EDN1: variants seen among roughly 807,000 people sequenced by gnomAD.
EDN1 encodes endothelin 1, also known as endothelin-1.
Under a neutral mutation model 21.7 loss-of-function variants are expected in EDN1, and 11 were observed. The ratio of observed to expected loss-of-function variants is 0.51; its 90% CI spans 0.32 to 0.84. The LOEUF (loss-of-function observed/expected upper bound fraction) is 0.84, where lower values mean the gene tolerates loss of function less well. Ranked by LOEUF, EDN1 falls within the 40% of genes least tolerant of loss-of-function variation. The probability of loss-of-function intolerance (pLI) is 0.03; values close to 1 mark genes in which losing one functional copy is unlikely to be tolerated. For missense variants in EDN1, 244 were observed against 262.3 expected, an observed-to-expected ratio of 0.93 and a Z score of 0.48; for synonymous variants, 85 against 90.6, an observed-to-expected ratio of 0.94 and a Z score of 0.35.
the EDN1 span, among the ~76,000 whole-genome samples, chr6:12,284,713 AAG>A: frequency 7.0e-6 from 1 of 142,606 alleles, no homozygotes; most frequent in Non-Finnish European, 1.5e-5. Context: ...GGAAGAAAGA[AAG>A]AAGGAAAGGA....
chr6:12,295,934 T>C lies in EDN1; in HGVS notation c.534-28T>C, dbSNP rs758534560. 5.0e-6 allele frequency: 8 copies of C among 1,606,334 alleles called. No individual in the cohort carries two copies. The East Asian group carries it at 1.3e-4, about 27-fold the overall frequency. On this transcript the variant is annotated intron_variant, in intron 4 of 4. Transcript: ENST00000379375. ...AAAGGGTGATTTTTTTAAAATAACA[T>C]TTGTTTTCTCTTATCTTGCTTTATT...
upstream of EDN1, among the ~76,000 whole-genome samples, chr6:12,289,135 A>AG (rs55680456): frequency 4.3e-3 from 661 of 152,248 alleles, 3 homozygotes; most frequent in Non-Finnish European, 5.3e-3. Flanking sequence ...TGTGTACTTC[A>AG]GGGGGGGATT....
chr6:12,271,693 G>T, the EDN1 span, among the ~76,000 whole-genome samples: 14 of 152,188 alleles, frequency 9.2e-5, no homozygotes, highest in Non-Finnish European at 1.9e-4. Flanking sequence ...TTTTATGATA[G>T]TAATTATTGT....
chr6:12,234,100 G>T, the EDN1 span, among the ~76,000 whole-genome samples: 1 of 152,218 alleles, frequency 6.6e-6, no homozygotes, highest in Admixed American at 6.5e-5. Context: ...GTTGGCTCTT[G>T]TTAACAATGT....
At chr6:12,245,538 C>T in the EDN1 span, among the ~76,000 whole-genome samples, 1 of 152,004 alleles carries the variant, frequency 6.6e-6, no homozygotes, top group Non-Finnish European at 1.5e-5. Context: ...TTCCAGCTTC[C>T]ACTTCTGCTG....
the EDN1 span, among the ~76,000 whole-genome samples, chr6:12,235,944 A>G: frequency 6.6e-6 from 1 of 152,252 alleles, no homozygotes; most frequent in African/African-American, 2.4e-5. Flanking sequence ...CACAAAGCGT[A>G]CATCATAACA....
At chr6:12,282,193 G>C in the EDN1 span, among the ~76,000 whole-genome samples, 7 of 152,206 alleles carry the variant, frequency 4.6e-5, no homozygotes, top group Admixed American at 2.0e-4. Context: ...AAGGGGAGGA[G>C]TATGGGAGAG....
the EDN1 span, among the ~76,000 whole-genome samples, chr6:12,244,341 A>G: frequency 1.3e-5 from 2 of 152,232 alleles, no homozygotes; most frequent in East Asian, 1.9e-4. Context: ...TGTTGGCTAT[A>G]CAATATTTTG....
rs1305390018 is a variant in EDN1 at position 12,296,243 on chromosome 6, C to A, written c.*176C>A. On this transcript the variant is annotated 3_prime_UTR_variant, in exon 5 of 5. Transcript: ENST00000379375. ...AGAAAGGTTAAGGAGTTCCCCCAACCATCTTCACTGGCTTCCATCAGTGGT... is the reference window on the plus strand; with the variant it reads ...AGAAAGGTTAAGGAGTTCCCCCAACAATCTTCACTGGCTTCCATCAGTGGT... 4 of 622,798 alleles carry A rather than the reference C, an allele frequency of 6.4e-6. No individual in the cohort carries two copies. Among genetic ancestry groups the A allele is most frequent in the South Asian group, 5.0e-5 (3 of 60,036 alleles). The allele number at this position is 622,798 out of a possible 1,614,324, so 38.6% of individuals were successfully genotyped here. A position where few individuals can be genotyped will look rare whatever the true frequency, so the allele number is the denominator to read the frequency against.
chr6:12,241,722 C>T, the EDN1 span, among the ~76,000 whole-genome samples: 1 of 152,154 alleles, frequency 6.6e-6, no homozygotes, highest in South Asian at 2.1e-4. Flanking sequence ...TACTCATGTT[C>T]ATAGAAGATG....
the EDN1 span, among the ~76,000 whole-genome samples, chr6:12,258,448 T>TAAAAAAAAAAAA: frequency 3.2e-4 from 9 of 27,712 alleles, 2 homozygotes; most frequent in East Asian, 9.2e-4. Context: ...AGATCATGTC[T>TAAAAAAAAAAAA]CAAAAAAAAA....
chr6:12,247,735 C>T, the EDN1 span, among the ~76,000 whole-genome samples: 1 of 151,864 alleles, frequency 6.6e-6, no homozygotes. Flanking sequence ...GATGGGATTT[C>T]ACCATGTTGG....
At chr6:12,270,082 C>A in the EDN1 span, among the ~76,000 whole-genome samples, 1 of 151,958 alleles carries the variant, frequency 6.6e-6, no homozygotes, top group East Asian at 1.9e-4. Context: ...TTTAGCTTTT[C>A]ATAAAAGTCA....
the EDN1 span, among the ~76,000 whole-genome samples, chr6:12,283,968 C>A: frequency 6.6e-5 from 10 of 152,326 alleles, no homozygotes; most frequent in African/African-American, 2.4e-4. Context: ...GTCTTCATAG[C>A]AGCCTTGTAG....
Position 12,295,957 on chromosome 6 carries a change from A to G in EDN1, c.534-5A>G, listed in dbSNP as rs746356256. The stretch of plus-strand genomic sequence containing the variant: ...CATTTGTTTTCTCTTATCTTGCTTT[A>G]TTAGGTCGGAGACCATGAGAAACAG... On this transcript the variant is annotated splice_polypyrimidine_tract_variant and splice_region_variant and intron_variant, in intron 4 of 4. Coordinates refer to ENST00000379375, the MANE Select transcript of EDN1 (RefSeq NM_001955.5). The G allele has an allele frequency of 3.1e-6, 5 of 1,613,458 alleles. No homozygotes were observed. In the Admixed American group the frequency reaches 8.3e-5, roughly 27 times the overall value.
chr6:12,295,812 T>C (rs1284580821), intron 4 of EDN1, 150 bp from the exon 5 acceptor site: 7 of 706,098 alleles, frequency 9.9e-6, no homozygotes, highest in Non-Finnish European at 1.7e-5. Flanking sequence ...AGATATCACT[T>C]GAGGTTTTAT....
chr6:12,275,863 G>T, the EDN1 span, among the ~76,000 whole-genome samples: 13 of 151,826 alleles, frequency 8.6e-5, no homozygotes, highest in East Asian at 2.5e-3. Context: ...TTGTACATAA[G>T]TTAAAAAATA....
chr6:12,231,305 A>G, the EDN1 span, among the ~76,000 whole-genome samples: 1 of 152,190 alleles, frequency 6.6e-6, no homozygotes, highest in African/African-American at 2.4e-5. Flanking sequence ...TTCCACCAAC[A>G]CTGCAATTCA....
the EDN1 span, among the ~76,000 whole-genome samples, chr6:12,272,450 CTCTT>C: frequency 7.7e-6 from 1 of 129,144 alleles, no homozygotes; most frequent in Non-Finnish European, 1.7e-5. Context: ...TTGAGTCATA[CTCTT>C]TTTTTTTTTT....
Sources: gnomAD v4.1 joint callset for allele counts (sites outside exome capture counted in the v4.1 genomes callset) on GRCh38, gnomAD v4.1.1 for gene constraint, MANE v1.5 for transcripts, NCBI Gene and HGNC (gene_info 2026-07-23, HGNC 2026-07-21) for gene names.